SPG11: variants seen among roughly 807,000 people sequenced by gnomAD.
SPG11 encodes spatacsin.
In SPG11, 222 loss-of-function variants were observed where a neutral mutation model predicts 274.0. The observed-to-expected ratio is 0.81, with a 90% CI of 0.73 to 0.91. The LOEUF (loss-of-function observed/expected upper bound fraction) is 0.91. Ranked by LOEUF, SPG11 falls within the 40% of genes least tolerant of loss-of-function variation. The probability of loss-of-function intolerance (pLI) is 0.00; values close to 1 mark genes in which losing one functional copy is unlikely to be tolerated. For synonymous variants in SPG11, 1,144 were observed against 1,039.7 expected, an observed-to-expected ratio of 1.10 and a Z score of -1.93; for missense variants, 3,114 against 2,872.7, an observed-to-expected ratio of 1.08 and a Z score of -1.92.
chr15:44,623,660 A>C (rs1485931727), intron 11 of SPG11, among the ~76,000 whole-genome samples: 1 of 152,192 alleles, frequency 6.6e-6, no homozygotes, highest in Non-Finnish European at 1.5e-5. Flanking sequence ...CCAACAAATA[A>C]TGAGCTCCTA....
chr15:44,584,045 T>G lies in SPG11; in HGVS notation c.5635A>C (p.Asn1879His), dbSNP rs759595222. 20 of 1,614,198 alleles carry G rather than the reference T, an allele frequency of 1.2e-5. No homozygotes were observed. The highest frequency in any genetic ancestry group is 1.6e-5 in the Non-Finnish European group (19 of 1,180,028). The part of the protein sequence containing the change: ...RLDWKEQESL[N>H]FLIGRLLDDG... ...TCCAGTAGGCGCCCAATCAAAAAGTTTAGTGACTCCTGCTCTTTCCAATCC... is the reference window on the plus strand; with the variant it reads ...TCCAGTAGGCGCCCAATCAAAAAGTGTAGTGACTCCTGCTCTTTCCAATCC... The change falls in exon 30 of 40, where the codon AAC becomes CAC. Residue 1879 changes from asparagine (N) to histidine (H), a missense_variant. Coordinates refer to ENST00000261866, the MANE Select transcript of SPG11 (RefSeq NM_025137.4).
chr15:44,613,377 G>T, intron 17 of SPG11, 53 bp downstream of exon 17: 2 of 1,158,224 alleles, frequency 1.7e-6, no homozygotes, highest in Non-Finnish European at 2.6e-6. Flanking sequence ...CCATTCAACA[G>T]ACCAGTGACT....
At chr15:44,606,232 T>C (rs1218105941) in intron 19 of SPG11, 141 bp from the exon 20 acceptor site, 3 of 659,744 alleles carry the variant, frequency 4.5e-6, no homozygotes, top group South Asian at 1.7e-5. Context: ...ATAAATTCTT[T>C]GAACACAGCT....
rs1015873288 is a variant in SPG11, at chr15:44,566,241, C to T, written c.6819G>A (p.Leu2273=). 3 of 1,614,066 alleles carry T rather than the reference C, an allele frequency of 1.9e-6. No homozygotes were observed. The highest frequency in any genetic ancestry group is 2.2e-5 in the East Asian group (1 of 44,900). ...CCTTGGCATAACTCTCTGCTGCATCCAACATCAGAGTCAGGGCCTTCAGCA... is the reference window on the plus strand; with the variant it reads ...CCTTGGCATAACTCTCTGCTGCATCTAACATCAGAGTCAGGGCCTTCAGCA... ...QLLLKALTLM[L]DAAESYAKDS... Residue 2273 remains leucine (L), a synonymous_variant, in exon 37 of 40, where the codon TTG becomes TTA. Transcript: ENST00000261866.
rs1372444731 is a variant in SPG11 at position 44,589,255 on chromosome 15, C to T, written c.4903G>A (p.Asp1635Asn). ...LFVEREHLFS[D>N]GPDVKKLCIL... ...TTAACTGTAAGGATTGTCTTACCAT[C>T]AGAGAAGAGATGCTCTCTTTCAACA... The change falls in exon 28 of 40, where the codon GAT becomes AAT. Residue 1635 changes from aspartate (D) to asparagine (N), a missense_variant. By Grantham distance (23) the Asp-to-Asn change is conservative (BLOSUM62 1). Transcript: ENST00000261866. 3.7e-6 allele frequency: 6 copies of T among 1,613,768 alleles called. No individual in the cohort carries two copies. Among genetic ancestry groups the T allele is most frequent in the Non-Finnish European group, 5.1e-6 (6 of 1,179,958 alleles).
intron 26 of SPG11, 28 bp from the exon 27 acceptor site, chr15:44,592,466 C>G: frequency 7.4e-7 from 1 of 1,343,080 alleles, no homozygotes; most frequent in South Asian, 1.2e-5. Context: ...AAAAAAATTA[C>G]AAAATTTTGA....
chr15:44,595,371 T>A lies in SPG11; in HGVS notation c.4523A>T (p.Asp1508Val). 1 of 1,614,148 alleles carries A rather than the reference T, an allele frequency of 6.2e-7. No individual in the cohort carries two copies. The highest frequency in any genetic ancestry group is 1.1e-5 in the South Asian group (1 of 91,090). The stretch of plus-strand genomic sequence containing the variant: ...GTTCCAGGTATGGTCCTCTGTTGAG[T>A]CCTGAATGTGTCCCATTGCTTCAGT... ...VATEAMGHIQ[D>V]STEDHTWNLE... Residue 1508 changes from aspartate (D) to valine (V), a missense_variant, in exon 26 of 40, where the codon GAC (aspartate) becomes GTC (valine). Asp to Val is a radical substitution (Grantham distance 152). Coordinates refer to ENST00000261866, the MANE Select transcript of SPG11 (RefSeq NM_025137.4).
chr15:44,585,026 A>G (rs2082728301), intron 29 of SPG11, among the ~76,000 whole-genome samples: 1 of 152,176 alleles, frequency 6.6e-6, no homozygotes, highest in African/African-American at 2.4e-5. Context: ...ATGAAAAACA[A>G]TTCTTGATTG....
rs1190659446 is a variant in SPG11 at position 44,596,929 on chromosome 15, G to C, written c.4016C>G (p.Ser1339Cys). ...CACCACTAATGCCCATTGGCTGCTA[G>C]ATTCACTGGATAACCTATAATCAGA... is the stretch of plus-strand genomic sequence containing the variant. Reference protein sequence around the residue: ...QQEIKRLSSESSSQWALVVQF... With the variant: ...QQEIKRLSSECSSQWALVVQF... The change falls in exon 24 of 40, where the codon TCT becomes TGT. Residue 1339 changes from serine to cysteine, a missense_variant. Physicochemically the swap from Ser to Cys is moderately radical, Grantham distance 112 (BLOSUM62 -1). Coordinates refer to ENST00000261866, the MANE Select transcript of SPG11 (RefSeq NM_025137.4). 6.2e-7 allele frequency: 1 copy of C among 1,613,946 alleles called. No individual in the cohort carries two copies.
Position 44,629,371 on chromosome 15 carries a change from G to C in SPG11, c.1753C>G (p.Pro585Ala). ...LYLRNVEELI[P>A]ALDLLCSAIR... ...GCCGAGCAAAGTAAATCCAATGCTG[G>C]TATCAGCTCTTCCACATCTGAGAAA... Residue 585 changes from proline (P) to alanine (A), a missense_variant, in exon 9 of 40, where the codon CCA becomes GCA. By Grantham distance (27) the Pro-to-Ala change is conservative. Coordinates refer to ENST00000261866, the MANE Select transcript of SPG11 (RefSeq NM_025137.4). The C allele has an allele frequency of 6.2e-7, 1 of 1,614,050 alleles. No homozygotes were observed. Among genetic ancestry groups the C allele is most frequent in the Non-Finnish European group, 8.5e-7 (1 of 1,180,002 alleles).
chr15:44,610,748 T>A, intron 18 of SPG11, 92 bp downstream of exon 18: 1 of 1,230,458 alleles, frequency 8.1e-7, no homozygotes, highest in Non-Finnish European at 1.2e-6. Flanking sequence ...AATATAGTTA[T>A]ATTTTAATAT....
chr15:44,610,763 T>G, intron 18 of SPG11, 77 bp downstream of exon 18: 1 of 1,300,188 alleles, frequency 7.7e-7, no homozygotes, highest in Non-Finnish European at 1.1e-6. Context: ...TAATATCAGC[T>G]GAGATCTAGA....
intron 20 of SPG11, among the ~76,000 whole-genome samples, chr15:44,603,126 C>G (rs1372915131): frequency 6.7e-6 from 1 of 149,622 alleles, no homozygotes; most frequent in Non-Finnish European, 1.5e-5. Context: ...ATGACCATAG[C>G]TCACTGCAGC....
chr15:44,586,709 C>T (rs973370856), intron 28 of SPG11, among the ~76,000 whole-genome samples: 36 of 152,044 alleles, frequency 2.4e-4, no homozygotes, highest in South Asian at 2.1e-4. Context: ...GCTTTATATA[C>T]AGGGCAGAGG....
chr15:44,564,154 AGC>A (rs2082260548), intron 39 of SPG11, among the ~76,000 whole-genome samples: 1 of 151,882 alleles, frequency 6.6e-6, no homozygotes, highest in African/African-American at 2.4e-5. Context: ...TACCACACCC[AGC>A]TAATTTTTGT....
chr15:44,600,847 A>C (rs1198674793), intron 20 of SPG11, among the ~76,000 whole-genome samples: 2 of 152,216 alleles, frequency 1.3e-5, no homozygotes, highest in African/African-American at 4.8e-5. Context: ...AGTTGCATAA[A>C]AACTCTGGTA....
chr15:44,637,883 T>C (rs184443558), intron 7 of SPG11, among the ~76,000 whole-genome samples: 3 of 152,232 alleles, frequency 2.0e-5, no homozygotes, highest in Non-Finnish European at 2.9e-5. Flanking sequence ...TAGGAGACGA[T>C]AGCTCCATGC....
At chr15:44,661,926 A>G (rs548464357) in intron 1 of SPG11, among the ~76,000 whole-genome samples, 1 of 152,304 alleles carries the variant, frequency 6.6e-6, no homozygotes, top group East Asian at 1.9e-4. Context: ...ATTCAACTAA[A>G]AAAGTTAAAA....
intron 11 of SPG11, among the ~76,000 whole-genome samples, chr15:44,624,802 C>A (rs1313054975): frequency 6.6e-6 from 1 of 151,976 alleles, no homozygotes; most frequent in Non-Finnish European, 1.5e-5. Flanking sequence ...TAATTTTTGT[C>A]ACTCATACCT....
Sources: allele counts gnomAD v4.1 joint callset (sites outside exome capture counted in the v4.1 genomes callset), GRCh38; gene constraint gnomAD v4.1.1; transcripts MANE v1.5; gene names NCBI Gene and HGNC (gene_info 2026-07-23, HGNC 2026-07-21).